Variants in PID1 observed in about 807,000 individuals in gnomAD.
The protein encoded by PID1 is phosphotyrosine interaction domain containing 1.
A neutral mutation model predicts 19.1 loss-of-function variants in PID1; 10 were observed. The ratio of observed to expected loss-of-function variants is 0.52; its 90% CI spans 0.32 to 0.89. The LOEUF (loss-of-function observed/expected upper bound fraction) is 0.89, where lower values mean the gene tolerates loss of function less well. Ranked by LOEUF, PID1 falls within the 40% of genes least tolerant of loss-of-function variation. The pLI is 0.03. For synonymous variants in PID1, 130 were observed against 116.0 expected, an observed-to-expected ratio of 1.12 and a Z score of -0.78; for missense variants, 248 against 285.3, an observed-to-expected ratio of 0.87 and a Z score of 0.94.
At chr2:229,040,401 T>C (rs1468046222) in intron 2 of PID1, among the ~76,000 whole-genome samples, 1 of 152,178 alleles carries the variant, frequency 6.6e-6, no homozygotes, top group African/African-American at 2.4e-5. Flanking sequence ...TGTATATTTT[T>C]ATATATTTGT....
chr2:229,030,268 T>A (rs754158752), intron 2 of PID1, among the ~76,000 whole-genome samples: 1 of 152,140 alleles, frequency 6.6e-6, no homozygotes, highest in Non-Finnish European at 1.5e-5. Context: ...GAGGGACGAA[T>A]GAGGAGTTAC....
At chr2:229,237,884 T>C (rs1689756517) in intron 1 of PID1, among the ~76,000 whole-genome samples, 1 of 152,186 alleles carries the variant, frequency 6.6e-6, no homozygotes, top group Non-Finnish European at 1.5e-5. Context: ...GACACTGGAA[T>C]TAATTTACAC....
At chr2:229,170,123 G>A (rs1017340755) in intron 1 of PID1, among the ~76,000 whole-genome samples, 5 of 152,146 alleles carry the variant, frequency 3.3e-5, no homozygotes, top group Admixed American at 1.3e-4. Flanking sequence ...TTTGACTTTG[G>A]CCAAGTCGCA....
chr2:229,102,132 G>A (rs972062091), intron 2 of PID1, among the ~76,000 whole-genome samples: 2 of 152,054 alleles, frequency 1.3e-5, no homozygotes, highest in African/African-American at 4.8e-5. Context: ...TCTCCCCTAC[G>A]TCCTCCAGAA....
At position 229,025,170 on chromosome 2, in the gene PID1, G is replaced by C. The variant is rs540252034; in HGVS notation, c.*462C>G. The C allele has an allele frequency of 6.2e-6, 1 of 161,154 alleles. No individual in the cohort carries two copies. Among genetic ancestry groups the C allele is most frequent in the East Asian group, 1.8e-4 (1 of 5,456 alleles). The allele number at this position is 161,154 out of a possible 1,614,324, so 10.0% of individuals were successfully genotyped here. On this transcript the variant is annotated 3_prime_UTR_variant, in exon 3 of 3. Transcript: ENST00000392055. ...TGGGAGAGGAACAGAGGGCCCTCCC[G>C]AGATGTTCCTTCCTCCCTGCGGCCA...
intron 2 of PID1, among the ~76,000 whole-genome samples, chr2:229,103,014 C>T (rs1179990518): frequency 6.6e-6 from 1 of 152,170 alleles, no homozygotes; most frequent in Admixed American, 6.5e-5. Flanking sequence ...ATCTTACAGG[C>T]AGGGAGAATA....
At chr2:229,173,463 A>C (rs1172624336) in intron 1 of PID1, among the ~76,000 whole-genome samples, 1 of 152,146 alleles carries the variant, frequency 6.6e-6, no homozygotes, top group Non-Finnish European at 1.5e-5. Flanking sequence ...TTGAAACACA[A>C]TAAAGAACCT....
At chr2:229,217,831 G>A (rs567197354) in intron 1 of PID1, among the ~76,000 whole-genome samples, 1 of 152,254 alleles carries the variant, frequency 6.6e-6, no homozygotes, top group South Asian at 2.1e-4. Flanking sequence ...ATGGTCCTTA[G>A]TTCTACCCTT....
chr2:229,132,488 C>T (rs535651226), intron 2 of PID1, among the ~76,000 whole-genome samples: 3 of 152,322 alleles, frequency 2.0e-5, no homozygotes, highest in Non-Finnish European at 2.9e-5. Flanking sequence ...TGCTTATTAC[C>T]GGCTTGGATT....
chr2:229,119,626 C>CA (rs1181854553), intron 2 of PID1, among the ~76,000 whole-genome samples: 10 of 152,100 alleles, frequency 6.6e-5, no homozygotes, highest in East Asian at 1.9e-4. Flanking sequence ...AGCATATACA[C>CA]AAAAAATCAA....
At chr2:229,079,561 C>T (rs572629890) in intron 2 of PID1, among the ~76,000 whole-genome samples, 10 of 152,294 alleles carry the variant, frequency 6.6e-5, no homozygotes, top group Non-Finnish European at 1.3e-4. Flanking sequence ...TCCACTGAGG[C>T]ATGAGCCACT....
intron 1 of PID1, among the ~76,000 whole-genome samples, chr2:229,241,841 T>C (rs114809550): frequency 0.015 from 2,343 of 152,218 alleles, 51 homozygotes; most frequent in African/African-American, 0.053. Flanking sequence ...AACAAAATGC[T>C]TACATATAAT....
rs1458062961 is a variant in PID1, at chr2:229,150,310, T to C, written c.177+5508A>G. On this transcript the variant is annotated intron_variant, in intron 2 of 2. Coordinates refer to ENST00000392055, the MANE Select transcript of PID1 (RefSeq NM_001100818.2). The stretch of plus-strand genomic sequence containing the variant: ...ACAAGAGGTCATGCTAAATTAGCCC[T>C]GTTCACCTCGGACATCCAAGGTTGC... 2.6e-5 allele frequency among the ~76,000 whole-genome samples: 4 copies of C among 151,484 alleles called. No individual in the cohort carries two copies. The East Asian group carries it at 7.8e-4, about 29-fold the overall frequency.
At chr2:229,064,786 A>G (rs1694285667) in intron 2 of PID1, among the ~76,000 whole-genome samples, 2 of 152,184 alleles carry the variant, frequency 1.3e-5, no homozygotes, top group African/African-American at 2.4e-5. Flanking sequence ...GGAATCTTCT[A>G]AGCTAAAACC....
intron 2 of PID1, among the ~76,000 whole-genome samples, chr2:229,146,334 A>T (rs1321764023): frequency 6.6e-6 from 1 of 152,158 alleles, no homozygotes; most frequent in Non-Finnish European, 1.5e-5. Flanking sequence ...TCAGGGGGTC[A>T]GGGGCAAGGG....
At chr2:229,235,099 C>T (rs902903068) in intron 1 of PID1, among the ~76,000 whole-genome samples, 1 of 152,266 alleles carries the variant, frequency 6.6e-6, no homozygotes, top group Middle Eastern at 3.4e-3. Flanking sequence ...CACCCTCTCT[C>T]TAGGCTTCTC....
In PID1 at chr2:229,075,557, C is replaced by T. The variant is rs1024218099; in HGVS notation, c.178-49449G>A. Among the ~76,000 whole-genome samples, 21 of 152,056 alleles carry T rather than the reference C, an allele frequency of 1.4e-4. No individual in the cohort carries two copies. The East Asian group carries it at 3.7e-3, about 27-fold the overall frequency. The stretch of plus-strand genomic sequence containing the variant: ...ATAAATCCAGTGAAAGTCTAAAAAG[C>T]GACTTGAATCATGTTTGCAATCAAG... On this transcript the variant is annotated intron_variant, in intron 2 of 2. Transcript: ENST00000392055.
intron 2 of PID1, among the ~76,000 whole-genome samples, chr2:229,072,445 G>A (rs1476215708): frequency 6.6e-6 from 1 of 152,146 alleles, no homozygotes; most frequent in African/African-American, 2.4e-5. Context: ...AAAATTAGCT[G>A]GGCATAGTGG....
rs1243100957 is a variant in PID1 at position 229,225,941 on chromosome 2, G to A, written c.30+45073C>T. Among the ~76,000 whole-genome samples the A allele has an allele frequency of 4.6e-5, 7 of 152,096 alleles. No homozygotes were observed. In the South Asian group the frequency reaches 8.3e-4, roughly 18 times the overall value. ...AACACGTGGGGATCGTGGGGATTAC[G>A]GGAACTACAGTTCAGGATGACATCT... On this transcript the variant is annotated intron_variant, in intron 1 of 2. Coordinates refer to ENST00000392055, the MANE Select transcript of PID1 (RefSeq NM_001100818.2).
Sources: gnomAD v4.1 joint callset for allele counts (sites outside exome capture counted in the v4.1 genomes callset) on GRCh38, gnomAD v4.1.1 for gene constraint, MANE v1.5 for transcripts, NCBI Gene and HGNC (gene_info 2026-07-23, HGNC 2026-07-21) for gene names.